CNTNAP5: variants seen among roughly 807,000 people sequenced by gnomAD.
CNTNAP5 encodes contactin-associated protein-like 5.
CNTNAP5 carries 72 observed loss-of-function variants against 150.2 expected under a neutral mutation model. That is an observed-to-expected ratio of 0.48 (90% CI 0.40 to 0.58). The LOEUF (loss-of-function observed/expected upper bound fraction) is 0.58, where lower values mean the gene tolerates loss of function less well. CNTNAP5 is among the 20% of genes least tolerant of loss of function. The pLI is 0.00. For missense variants in CNTNAP5, 1,636 were observed against 1,626.2 expected, an observed-to-expected ratio of 1.01 and a Z score of -0.10; for synonymous variants, 672 against 619.8, an observed-to-expected ratio of 1.08 and a Z score of -1.25.
intron 12 of CNTNAP5, among the ~76,000 whole-genome samples, chr2:124,641,176 C>A (rs1473288501): frequency 6.7e-6 from 1 of 150,284 alleles, no homozygotes; most frequent in Non-Finnish European, 1.5e-5. Context: ...AGGAGCACCA[C>A]TCAGAGCCAG....
intron 13 of CNTNAP5, among the ~76,000 whole-genome samples, chr2:124,696,072 A>G (rs1181380706): frequency 6.6e-6 from 1 of 152,128 alleles, no homozygotes; most frequent in Non-Finnish European, 1.5e-5. Flanking sequence ...AGATTCAAAT[A>G]AATAAAAAAT....
At chr2:124,729,069 C>T (rs1680216907) in intron 13 of CNTNAP5, among the ~76,000 whole-genome samples, 1 of 151,996 alleles carries the variant, frequency 6.6e-6, no homozygotes, top group South Asian at 2.1e-4. Context: ...ACTACTGGAC[C>T]TTACCAGGCC....
At chr2:124,804,926 C>T (rs1682049524) in intron 19 of CNTNAP5, among the ~76,000 whole-genome samples, 1 of 152,120 alleles carries the variant, frequency 6.6e-6, no homozygotes, top group Non-Finnish European at 1.5e-5. Flanking sequence ...GAATGATCTG[C>T]ATCCTGGGGT....
chr2:124,089,556 C>G (rs1416192729), intron 1 of CNTNAP5, among the ~76,000 whole-genome samples: 1 of 152,110 alleles, frequency 6.6e-6, no homozygotes, highest in Non-Finnish European at 1.5e-5. Flanking sequence ...TTCAAGGTAG[C>G]AAAAGTTTTG....
intron 11 of CNTNAP5, among the ~76,000 whole-genome samples, chr2:124,565,532 A>G (rs1026997613): frequency 6.6e-6 from 1 of 151,628 alleles, no homozygotes; most frequent in Non-Finnish European, 1.5e-5. Flanking sequence ...AGTGAAAAGA[A>G]CAATAGAATA....
chr2:124,266,462 A>T (rs1474168600), intron 3 of CNTNAP5, among the ~76,000 whole-genome samples: 1 of 152,162 alleles, frequency 6.6e-6, no homozygotes, highest in Admixed American at 6.6e-5. Context: ...CGCCTTCCAA[A>T]AAAAAGCTGA....
intron 13 of CNTNAP5, among the ~76,000 whole-genome samples, chr2:124,708,353 G>C (rs1052014732): frequency 6.6e-6 from 1 of 152,120 alleles, no homozygotes; most frequent in Non-Finnish European, 1.5e-5. Context: ...GTGCCCAGTG[G>C]AAGCTAGAGT....
chr2:124,865,683 C>T (rs1677616605), intron 20 of CNTNAP5, among the ~76,000 whole-genome samples: 1 of 152,192 alleles, frequency 6.6e-6, no homozygotes, highest in African/African-American at 2.4e-5. Flanking sequence ...TGGTGGCTCA[C>T]ACCTGCAATC....
Position 124,880,071 on chromosome 2 carries a change from A to G in CNTNAP5, c.3436+10309A>G, listed in dbSNP as rs183416188. Among the ~76,000 whole-genome samples, 3 of 152,234 alleles carry G rather than the reference A, an allele frequency of 2.0e-5. No homozygotes were observed. The East Asian group carries it at 5.8e-4, about 29-fold the overall frequency. ...GAGGAGTGTTGTGTGGCCACTGGTT[A>G]CTCATTTAGTCTACCAAGATTTTAT... On this transcript the variant is annotated intron_variant, in intron 21 of 23. Coordinates refer to ENST00000682447, the MANE Select transcript of CNTNAP5 (RefSeq NM_001367498.1).
At chr2:124,485,062 A>G (rs1381307481) in intron 7 of CNTNAP5, among the ~76,000 whole-genome samples, 1 of 152,130 alleles carries the variant, frequency 6.6e-6, no homozygotes, top group Non-Finnish European at 1.5e-5. Flanking sequence ...CTTTTGTCAC[A>G]AGATTCAGAA....
At chr2:124,828,730 G>C (rs912681721) in intron 19 of CNTNAP5, among the ~76,000 whole-genome samples, 4 of 70,906 alleles carry the variant, frequency 5.6e-5, no homozygotes, top group Non-Finnish European at 9.6e-5. Context: ...CAATGCAAGT[G>C]TTGGCAAAAA....
intron 3 of CNTNAP5, among the ~76,000 whole-genome samples, chr2:124,282,387 G>A (rs1573889029): frequency 6.6e-6 from 1 of 152,068 alleles, no homozygotes; most frequent in South Asian, 2.1e-4. Context: ...AAACCTACGT[G>A]GATTTATTTT....
intron 1 of CNTNAP5, among the ~76,000 whole-genome samples, chr2:124,059,453 A>C (rs1681943766): frequency 6.6e-6 from 1 of 152,100 alleles, no homozygotes; most frequent in Non-Finnish European, 1.5e-5. Context: ...TTCAAGTCAA[A>C]CTGAGCCAGC....
chr2:124,614,945 C>A (rs1157009194), intron 12 of CNTNAP5, among the ~76,000 whole-genome samples: 2 of 151,096 alleles, frequency 1.3e-5, no homozygotes, highest in Non-Finnish European at 2.9e-5. Flanking sequence ...TATGTTTACA[C>A]TACATGGTAA....
intron 3 of CNTNAP5, among the ~76,000 whole-genome samples, chr2:124,244,001 T>G (rs183262161): frequency 6.6e-6 from 1 of 152,228 alleles, no homozygotes; most frequent in African/African-American, 2.4e-5. Context: ...CAAATCGATG[T>G]GGGATTTTTT....
rs188849700 is a variant in CNTNAP5, at chr2:124,030,290, C to T, written c.82+4558C>T. ...GTAGGGTTTTAATTCTTACCAACTT[C>T]TATACACTTATCTCTCACCTCATAT... On this transcript the variant is annotated intron_variant, in intron 1 of 23. Transcript: ENST00000682447. 1.1e-3 allele frequency among the ~76,000 whole-genome samples: 173 copies of T among 152,206 alleles called. 1 individual carries two copies. The highest frequency in any genetic ancestry group is 4.0e-3 in the African/African-American group (165 of 41,542).
intron 13 of CNTNAP5, among the ~76,000 whole-genome samples, chr2:124,663,470 G>T: frequency 6.6e-6 from 1 of 152,298 alleles, no homozygotes; most frequent in East Asian, 1.9e-4. Flanking sequence ...CAGAAACAAA[G>T]TTGCCGACAC....
intron 3 of CNTNAP5, among the ~76,000 whole-genome samples, chr2:124,297,820 T>C (rs1688477379): frequency 1.3e-5 from 1 of 75,544 alleles, no homozygotes; most frequent in Non-Finnish European, 2.7e-5. Context: ...TTTATTATTA[T>C]TATTATTATT....
chr2:124,836,166 G>GA (rs983979347), intron 19 of CNTNAP5, among the ~76,000 whole-genome samples: 16 of 151,510 alleles, frequency 1.1e-4, no homozygotes, highest in African/African-American at 3.6e-4. Context: ...ATAGTTTTAG[G>GA]AAAAAAAATG....
Sources: gnomAD v4.1 joint callset for allele counts (sites outside exome capture counted in the v4.1 genomes callset) on GRCh38, gnomAD v4.1.1 for gene constraint, MANE v1.5 for transcripts, NCBI Gene and HGNC (gene_info 2026-07-23, HGNC 2026-07-21) for gene names.